MPP7: variants seen among roughly 807,000 people sequenced by gnomAD.
MPP7 encodes MAGUK p55 scaffold protein 7.
A neutral mutation model predicts 76.5 loss-of-function variants in MPP7; 60 were observed. The ratio of observed to expected loss-of-function variants is 0.78; its 90% CI spans 0.64 to 0.97. The LOEUF (loss-of-function observed/expected upper bound fraction) is 0.97. MPP7 is among the 50% of genes least tolerant of loss of function. MPP7 has a pLI of 0.00. For synonymous variants in MPP7, 237 were observed against 244.5 expected, an observed-to-expected ratio of 0.97 and a Z score of 0.29; for missense variants, 641 against 694.0, an observed-to-expected ratio of 0.92 and a Z score of 0.86.
intron 2 of MPP7, among the ~76,000 whole-genome samples, chr10:28,221,457 G>A (rs1359367146): frequency 6.6e-6 from 1 of 152,124 alleles, no homozygotes; most frequent in Non-Finnish European, 1.5e-5. Context: ...CTGAATACAA[G>A]ATAAGAGTGG....
At chr10:28,252,721 G>A (rs890613322) in intron 1 of MPP7, among the ~76,000 whole-genome samples, 7 of 151,992 alleles carry the variant, frequency 4.6e-5, no homozygotes, top group Non-Finnish European at 7.4e-5. Context: ...TCTTCATAGC[G>A]GACATTCAAC....
At chr10:28,155,644 AC>A (rs76362146) in intron 3 of MPP7, among the ~76,000 whole-genome samples, 5 of 150,752 alleles carry the variant, frequency 3.3e-5, no homozygotes, top group African/African-American at 1.2e-4. Context: ...AGAATAGGAG[AC>A]CCTTGGGCCA....
In MPP7 at chr10:28,069,771, C is replaced by A. The variant is rs761416898; in HGVS notation, c.1204+1G>T. The A allele has an allele frequency of 6.2e-7, 1 of 1,612,676 alleles. No individual in the cohort carries two copies. The highest frequency in any genetic ancestry group is 1.1e-5 in the South Asian group (1 of 90,996). ...GGAACACTGAGTAGCGCAGAACTCA[C>A]GGGGCACTGTCACGCCATAGTGCTG... is the stretch of plus-strand genomic sequence containing the variant. On this transcript the variant is annotated splice_donor_variant, in intron 13 of 16. Coordinates refer to ENST00000683449, the MANE Select transcript of MPP7 (RefSeq NM_001318170.2). LOFTEE classifies it high-confidence loss of function.
At chr10:28,329,649 AAAAC>A (rs1458482345) in intron 2 of MPP7, among the ~76,000 whole-genome samples, 172 of 147,930 alleles carry the variant, frequency 1.2e-3, no homozygotes, top group African/African-American at 4.1e-3. Flanking sequence ...AAAAAAAAAA[AAAAC>A]CACTACTTTA....
chr10:28,089,650 C>T (rs775218365), intron 12 of MPP7, 21 bp downstream of exon 12: 2 of 1,603,476 alleles, frequency 1.2e-6, no homozygotes, highest in South Asian at 1.1e-5. Context: ...CTCAGAATTA[C>T]TCACAGAAAC....
chr10:28,077,515 C>A (rs1852551496), intron 12 of MPP7, among the ~76,000 whole-genome samples: 1 of 152,130 alleles, frequency 6.6e-6, no homozygotes, highest in African/African-American at 2.4e-5. Flanking sequence ...CTTTAAAAGA[C>A]CACAGCTCAG....
intron 2 of MPP7, among the ~76,000 whole-genome samples, chr10:28,324,654 T>A (rs2133187373): frequency 6.6e-6 from 1 of 152,336 alleles, no homozygotes; most frequent in South Asian, 2.1e-4. Context: ...TAAAGATTCT[T>A]CTTTTTAAAT....
chr10:28,105,046 C>T (rs550168897), intron 11 of MPP7, among the ~76,000 whole-genome samples: 14 of 150,926 alleles, frequency 9.3e-5, no homozygotes, highest in Admixed American at 3.3e-4. Context: ...CCCAGCTAGT[C>T]GGGAGGCTGA....
chr10:28,184,614 G>A (rs1046082684), intron 3 of MPP7, among the ~76,000 whole-genome samples: 18 of 149,344 alleles, frequency 1.2e-4, no homozygotes, highest in Non-Finnish European at 1.3e-4. Flanking sequence ...AGGCTGACAC[G>A]TAAGAATCAC....
In MPP7 at chr10:28,202,154, T is replaced by G. The variant is rs1165069130; in HGVS notation, c.155A>C (p.Lys52Thr). The G allele has an allele frequency of 5.0e-6, 8 of 1,604,358 alleles. No homozygotes were observed. Among genetic ancestry groups the G allele is most frequent in the Non-Finnish European group, 6.0e-6 (7 of 1,171,478 alleles). Residue 52 changes from lysine to threonine, a missense_variant and splice_region_variant, in exon 3 of 17, where the codon AAG becomes ACG. Transcript: ENST00000683449. ...GAATCTGACATCAGCATGGTTTACC[T>G]TTACCAATGAATGCAGGCTTTTTTC... Reference protein sequence around the residue: ...FGEKSLHSLVKIHEKLHYYEK... With the variant: ...FGEKSLHSLVTIHEKLHYYEK...
At chr10:28,213,083 G>T (rs1588932817) in intron 2 of MPP7, among the ~76,000 whole-genome samples, 1 of 151,996 alleles carries the variant, frequency 6.6e-6, no homozygotes, top group Admixed American at 6.6e-5. Flanking sequence ...GAGAATATAG[G>T]CATGCTCCCC....
At chr10:28,215,600 C>T (rs111746807) in intron 2 of MPP7, among the ~76,000 whole-genome samples, 1 of 152,044 alleles carries the variant, frequency 6.6e-6, no homozygotes, top group African/African-American at 2.4e-5. Context: ...GAAAGAGAAC[C>T]GCACTTACAA....
At chr10:28,096,894 T>G (rs1853594940) in intron 11 of MPP7, among the ~76,000 whole-genome samples, 1 of 152,232 alleles carries the variant, frequency 6.6e-6, no homozygotes, top group Admixed American at 6.5e-5. Flanking sequence ...TACTTTATGT[T>G]GACATATACA....
chr10:28,287,913 G>A (rs567655446), intron 1 of MPP7, among the ~76,000 whole-genome samples: 2 of 151,872 alleles, frequency 1.3e-5, no homozygotes, highest in Non-Finnish European at 2.9e-5. Context: ...CCGCAAATAA[G>A]CTTTAAGAAA....
At chr10:28,270,870 C>T (rs1225093025) in intron 1 of MPP7, among the ~76,000 whole-genome samples, 2 of 152,020 alleles carry the variant, frequency 1.3e-5, no homozygotes, top group African/African-American at 2.4e-5. Flanking sequence ...GTTGCCTTTC[C>T]TCCAGGGACA....
In MPP7 at chr10:28,124,079, G is replaced by C; in HGVS notation, c.567C>G (p.Asn189Lys). ...GCCTTTTATCCTCCACTGGTATCCC[G>C]TTGACTTCCCTAAGTTCATCACCAA... ...IHVGDELREV[N>K]GIPVEDKRPE... is the part of the protein sequence containing the mutation. The change falls in exon 8 of 17, where the codon AAC (asparagine) becomes AAG (lysine). Residue 189 changes from asparagine (N) to lysine (K), a missense_variant. Asn to Lys is a moderately conservative substitution (Grantham distance 94). Coordinates refer to ENST00000683449, the MANE Select transcript of MPP7 (RefSeq NM_001318170.2). 1 of 1,612,250 alleles carries C rather than the reference G, an allele frequency of 6.2e-7. No homozygotes were observed. Among genetic ancestry groups the C allele is most frequent in the Non-Finnish European group, 8.5e-7 (1 of 1,178,492 alleles).
At chr10:28,219,224 CA>C (rs1838414572) in intron 2 of MPP7, among the ~76,000 whole-genome samples, 1 of 151,968 alleles carries the variant, frequency 6.6e-6, no homozygotes. Flanking sequence ...AAAACAATGA[CA>C]TATCTAAAAT....
intron 8 of MPP7, among the ~76,000 whole-genome samples, chr10:28,123,284 A>G (rs1427707235): frequency 6.6e-6 from 1 of 152,104 alleles, no homozygotes; most frequent in Non-Finnish European, 1.5e-5. Flanking sequence ...AAATAATTTT[A>G]TTCAAGTGTC....
chr10:28,224,057 C>T (rs913287456), intron 2 of MPP7, among the ~76,000 whole-genome samples: 4 of 151,512 alleles, frequency 2.6e-5, no homozygotes, highest in East Asian at 1.9e-4. Flanking sequence ...TTAGCGTACA[C>T]GCCTATAATC....
Sources: gnomAD v4.1 joint callset for allele counts (sites outside exome capture counted in the v4.1 genomes callset) on GRCh38, gnomAD v4.1.1 for gene constraint, MANE v1.5 for transcripts, NCBI Gene and HGNC (gene_info 2026-07-23, HGNC 2026-07-21) for gene names.